URB2: variants seen among roughly 807,000 people sequenced by gnomAD.
URB2 encodes the protein URB2 ribosome biogenesis homolog, also known as unhealthy ribosome biogenesis protein 2 homolog.
URB2 carries 86 observed loss-of-function variants against 120.9 expected under a neutral mutation model. The ratio of observed to expected loss-of-function variants is 0.71; its 90% CI spans 0.60 to 0.85. The LOEUF (loss-of-function observed/expected upper bound fraction) is 0.85, where lower values mean the gene tolerates loss of function less well. URB2 is among the 40% of genes least tolerant of loss of function. URB2 has a pLI of 0.00. For synonymous variants in URB2, 755 were observed against 758.4 expected (o/e 1.00, Z 0.07); for missense variants, 1,765 against 1,836.5 (o/e 0.96, Z 0.71).
At chr1:229,651,099 T>C in intron 7 of URB2, 136 bp from the exon 8 acceptor site, 1 of 657,512 alleles carries the variant, frequency 1.5e-6, no homozygotes, top group East Asian at 3.4e-5. Context: ...AGGATGTGGC[T>C]ATCCCTGGGC....
rs1666066335 is a variant in URB2, at chr1:229,643,652, C to G, written c.3754C>G (p.Gln1252Glu). The G allele has an allele frequency of 6.2e-7, 1 of 1,614,160 alleles. No homozygotes were observed. The highest frequency in any genetic ancestry group is 8.5e-7 in the Non-Finnish European group (1 of 1,180,028). ...GAGGCTGGTGATGCAGTGTATTCTC[C>G]AGGGACTGGATGTCAGTAACATGTG... ...DLRLVMQCIL[Q>E]GLDVSNMWKA... Residue 1252 changes from glutamine (Q) to glutamate (E), a missense_variant, in exon 5 of 10, where the codon CAG (glutamine) becomes GAG (glutamate). By Grantham distance (29) the Gln-to-Glu change is conservative (BLOSUM62 2). Transcript: ENST00000258243.
intron 3 of URB2, among the ~76,000 whole-genome samples, chr1:229,634,404 C>T (rs1665740434): frequency 6.6e-6 from 1 of 152,086 alleles, no homozygotes; most frequent in Non-Finnish European, 1.5e-5. Context: ...CAGGTTTCAC[C>T]ACGTTGGCCA....
chr1:229,641,573 G>T (rs1666012452), intron 4 of URB2, among the ~76,000 whole-genome samples: 1 of 152,170 alleles, frequency 6.6e-6, no homozygotes, highest in Non-Finnish European at 1.5e-5. Context: ...AAGGCTTTGG[G>T]CAGGGAGAGG....
Position 229,635,896 on chromosome 1 carries a change from A to G in URB2, c.1283A>G (p.Asp428Gly). Residue 428 changes from aspartate (D) to glycine (G), a missense_variant, in exon 4 of 10, where the codon GAT becomes GGT. Physicochemically the swap from Asp to Gly is moderately conservative, Grantham distance 94. Coordinates refer to ENST00000258243, the MANE Select transcript of URB2 (RefSeq NM_014777.4). ...CATTTGATTTTGGAGCCAGACCTGG[A>G]TGACCTGCTGGCTTCAGCGTGGATC... Reference protein sequence around the residue: ...LNHLILEPDLDDLLASAWIDA... With the variant: ...LNHLILEPDLGDLLASAWIDA... 1 of 1,614,238 alleles carries G rather than the reference A, an allele frequency of 6.2e-7. No individual in the cohort carries two copies. The highest frequency in any genetic ancestry group is 8.5e-7 in the Non-Finnish European group (1 of 1,180,048).
At position 229,628,119 on chromosome 1, in the gene URB2, G is replaced by GTATA. The variant is rs987421566; in HGVS notation, c.126+365_126+368dup. Among the ~76,000 whole-genome samples the GTATA allele has an allele frequency of 1.1e-4, 14 of 123,932 alleles. No homozygotes were observed. The East Asian group carries it at 2.5e-3, about 22-fold the overall frequency. 81.3% of individuals were successfully genotyped at this position (123,932 alleles called of 152,430 possible). Reference sequence around the variant, plus strand: ...ATATATATTATATATGTATATATATGTATATATACATATATAATATATATA... The same window carrying GTATA: ...ATATATATTATATATGTATATATATGTATATATATATACATATATAATATATATA... On this transcript the variant is annotated intron_variant, in intron 2 of 9. Coordinates refer to ENST00000258243, the MANE Select transcript of URB2 (RefSeq NM_014777.4).
rs144921799 is a variant in URB2 at position 229,642,837 on chromosome 1, C to T, written c.3635-696C>T. On this transcript the variant is annotated intron_variant, in intron 4 of 9. Transcript: ENST00000258243. The stretch of plus-strand genomic sequence containing the variant: ...CAACCCCCAGCACAGTAAAAAATTC[C>T]GTGTATATCCTTCTGATACAATTCT... Among the ~76,000 whole-genome samples, 849 of 152,228 alleles carry T rather than the reference C, an allele frequency of 5.6e-3. 3 individuals are homozygous for T. Among genetic ancestry groups the T allele is most frequent in the Non-Finnish European group, 6.0e-3 (411 of 68,014 alleles).
At position 229,637,023 on chromosome 1, in the gene URB2, A is replaced by G; in HGVS notation, c.2410A>G (p.Met804Val). The change falls in exon 4 of 10, where the codon ATG becomes GTG. Residue 804 changes from methionine to valine, a missense_variant. By Grantham distance (21) the Met-to-Val change is conservative (BLOSUM62 1). Coordinates refer to ENST00000258243, the MANE Select transcript of URB2 (RefSeq NM_014777.4). ...CCTTCATAGCCCTCTCTTTCCAGAG[A>G]TGCAGTCCCTTCATTCTGCTTTCTT... Reference protein sequence around the residue: ...AFLHSPLFPEMQSLHSAFLTC... With the variant: ...AFLHSPLFPEVQSLHSAFLTC... 2 of 1,614,074 alleles carry G rather than the reference A, an allele frequency of 1.2e-6. No homozygotes were observed. Among genetic ancestry groups the G allele is most frequent in the South Asian group, 1.1e-5 (1 of 91,090 alleles).
intron 6 of URB2, 89 bp downstream of exon 6, chr1:229,646,058 G>T: frequency 8.2e-7 from 1 of 1,215,930 alleles, no homozygotes; most frequent in East Asian, 2.4e-5. Context: ...CTGCTGCCCT[G>T]TAGCTTTATG....
At position 229,647,574 on chromosome 1, in the gene URB2, A is replaced by G. The variant is rs779622900; in HGVS notation, c.3971A>G (p.Asp1324Gly). The change falls in exon 7 of 10, where the codon GAT becomes GGT. Residue 1324 changes from aspartate (D) to glycine (G), a missense_variant. Physicochemically the swap from Asp to Gly is moderately conservative, Grantham distance 94 (BLOSUM62 -1). Transcript: ENST00000258243. The stretch of plus-strand genomic sequence containing the variant: ...CTCACAGTGGTCGGGCCTGTCTTAG[A>G]TGTCCTGGCTGCACTGCTGCGGCAG... The part of the protein sequence containing the change: ...VSLTVVGPVL[D>G]VLAALLRQGE... The G allele has an allele frequency of 2.2e-5, 36 of 1,614,008 alleles. No individual in the cohort carries two copies. In the Admixed American group the frequency reaches 2.7e-4, roughly 12 times the overall value.
intron 7 of URB2, chr1:229,651,030 A>T (rs1419986020): frequency 6.0e-6 from 2 of 335,898 alleles, no homozygotes; most frequent in African/African-American, 4.2e-5. Flanking sequence ...TAGTTAAAAC[A>T]AGGGTCAAAG....
chr1:229,634,362 T>C (rs1481554278), intron 3 of URB2, among the ~76,000 whole-genome samples: 1 of 152,030 alleles, frequency 6.6e-6, no homozygotes, highest in Non-Finnish European at 1.5e-5. Flanking sequence ...CCTGCCACCA[T>C]GCCCGGTTAA....
rs547186401 is a variant in URB2 at position 229,649,173 on chromosome 1, T to C, written c.4149+1421T>C. Reference sequence around the variant, plus strand: ...ATATTCATGCACATTCAGATACTTTTAAGTGTTTTGATGTCCTAAGGATAG... The same window carrying C: ...ATATTCATGCACATTCAGATACTTTCAAGTGTTTTGATGTCCTAAGGATAG... On this transcript the variant is annotated intron_variant, in intron 7 of 9. Transcript: ENST00000258243. Among the ~76,000 whole-genome samples the C allele has an allele frequency of 3.3e-5, 5 of 152,342 alleles. No individual in the cohort carries two copies. In the South Asian group the frequency reaches 1.0e-3, roughly 32 times the overall value.
chr1:229,637,558 G>C lies in URB2; in HGVS notation c.2945G>C (p.Ser982Thr). Reference sequence around the variant, plus strand: ...GTACTGACCTCATTGTTCAGAGCTAGTAGTAGGTTCCTTATTGAGATGGAT... The same window carrying C: ...GTACTGACCTCATTGTTCAGAGCTACTAGTAGGTTCCTTATTGAGATGGAT... ...EVVLTSLFRASSRFLIEMDDP... is the reference protein window; with the variant it reads ...EVVLTSLFRATSRFLIEMDDP... The change falls in exon 4 of 10, where the codon AGT (serine) becomes ACT (threonine). Residue 982 changes from serine (S) to threonine (T), a missense_variant. Physicochemically the swap from Ser to Thr is moderately conservative, Grantham distance 58. Transcript: ENST00000258243. 6.2e-7 allele frequency: 1 copy of C among 1,613,684 alleles called. No individual in the cohort carries two copies. The highest frequency in any genetic ancestry group is 8.5e-7 in the Non-Finnish European group (1 of 1,179,938).
At chr1:229,650,775 C>G (rs1198691837) in intron 7 of URB2, 1 of 152,062 alleles carries the variant, frequency 6.6e-6, no homozygotes, top group East Asian at 1.9e-4. Context: ...GACCTTTTCA[C>G]CACTATTAAT....
Position 229,641,009 on chromosome 1 carries a change from CTTTTTTTTT to C in URB2, c.3635-2511_3635-2503del, listed in dbSNP as rs769502292. 4.3e-5 allele frequency among the ~76,000 whole-genome samples: 5 copies of C among 115,308 alleles called. 1 individual carries two copies. Among genetic ancestry groups the C allele is most frequent in the Admixed American group, 1.0e-4 (1 of 10,038 alleles). The allele number at this position is 115,308 out of a possible 152,430, so 75.6% of individuals were successfully genotyped here. On this transcript the variant is annotated intron_variant, in intron 4 of 9. Coordinates refer to ENST00000258243, the MANE Select transcript of URB2 (RefSeq NM_014777.4). Reference sequence around the variant, plus strand: ...CAACCCTACTGAGTTGAGGCAATCTCTTTTTTTTTTTTTTTTTTTTTGAGACAGAGTCTC... The same window carrying C: ...CAACCCTACTGAGTTGAGGCAATCTCTTTTTTTTTTTTGAGACAGAGTCTC...
chr1:229,642,290 CCTT>C (rs1666030331), intron 4 of URB2, among the ~76,000 whole-genome samples: 1 of 152,018 alleles, frequency 6.6e-6, no homozygotes, highest in African/African-American at 2.4e-5. Context: ...AGCTCTGTGG[CCTT>C]TTTTTGTTTG....
intron 7 of URB2, among the ~76,000 whole-genome samples, chr1:229,649,812 C>T (rs747487208): frequency 2.0e-5 from 3 of 152,188 alleles, no homozygotes; most frequent in Non-Finnish European, 4.4e-5. Context: ...ATCCTCATGA[C>T]AACCTATCAT....
chr1:229,636,986 A>T lies in URB2; in HGVS notation c.2373A>T (p.Ile791=), dbSNP rs777345928. ...DEEAYITLEK[I]SKAFLHSPLF... is the part of the protein sequence containing the mutation. ...AGGCATACATCACACTGGAAAAAATATCCAAAGCCTTCCTTCATAGCCCTC... is the reference window on the plus strand; with the variant it reads ...AGGCATACATCACACTGGAAAAAATTTCCAAAGCCTTCCTTCATAGCCCTC... The change falls in exon 4 of 10, where the codon ATA becomes ATT. Residue 791 remains isoleucine (I), a synonymous_variant. Coordinates refer to ENST00000258243, the MANE Select transcript of URB2 (RefSeq NM_014777.4). 3 of 1,614,006 alleles carry T rather than the reference A, an allele frequency of 1.9e-6. No homozygotes were observed. Among genetic ancestry groups the T allele is most frequent in the Non-Finnish European group, 2.5e-6 (3 of 1,180,048 alleles).
At position 229,659,426 on chromosome 1, in the gene URB2, G is replaced by T; in HGVS notation, c.*129G>T. The T allele has an allele frequency of 1.0e-6, 1 of 975,422 alleles. No homozygotes were observed. Among genetic ancestry groups the T allele is most frequent in the East Asian group, 2.5e-5 (1 of 39,744 alleles). The allele number at this position is 975,422 out of a possible 1,614,324, so 60.4% of individuals were successfully genotyped here. The stretch of plus-strand genomic sequence containing the variant: ...ATTGGTATACATAGAAAATCCTTTG[G>T]GGTTTATGTAGTATATTTTGATGTA... On this transcript the variant is annotated 3_prime_UTR_variant, in exon 10 of 10. Coordinates refer to ENST00000258243, the MANE Select transcript of URB2 (RefSeq NM_014777.4).
Sources: gnomAD v4.1 joint callset for allele counts (sites outside exome capture counted in the v4.1 genomes callset) on GRCh38, gnomAD v4.1.1 for gene constraint, MANE v1.5 for transcripts, NCBI Gene and HGNC (gene_info 2026-07-23, HGNC 2026-07-21) for gene names.